The following SWT1 variants were observed in gnomAD, a reference collection of about 807,000 sequenced individuals.
SWT1 encodes transcriptional protein SWT1.
Under a neutral mutation model 107.3 loss-of-function variants are expected in SWT1, and 33 were observed. That is an observed-to-expected ratio of 0.31 (90% CI 0.23 to 0.41). SWT1 has a LOEUF of 0.41. Among genes scored for constraint, SWT1 ranks in the 10% least tolerant of loss-of-function variants. The probability of loss-of-function intolerance (pLI) is 1.00; values close to 1 mark genes in which losing one functional copy is unlikely to be tolerated. For missense variants in SWT1, 898 were observed against 1,028.9 expected (o/e 0.87, Z 1.74); for synonymous variants, 345 against 348.3 (o/e 0.99, Z 0.11).
chr1:185,223,541 G>A (rs1305336595), intron 15 of SWT1, among the ~76,000 whole-genome samples: 2 of 152,022 alleles, frequency 1.3e-5, no homozygotes, highest in Non-Finnish European at 2.9e-5. Context: ...GTCTCAGTGT[G>A]ATTTTGATTT....
intron 7 of SWT1, 113 bp downstream of exon 7, chr1:185,182,170 A>G (rs972243623): frequency 1.9e-6 from 2 of 1,055,562 alleles, no homozygotes; most frequent in Non-Finnish European, 2.6e-6. Flanking sequence ...GCTCACTTGA[A>G]ATGAATGATA....
chr1:185,267,755 C>T (rs1413196276), intron 16 of SWT1, among the ~76,000 whole-genome samples: 2 of 151,954 alleles, frequency 1.3e-5, no homozygotes, highest in Admixed American at 1.3e-4. Context: ...AGATATTTTT[C>T]CCAAGGGCTA....
chr1:185,196,747 A>T (rs1262708592), intron 10 of SWT1, among the ~76,000 whole-genome samples: 1 of 152,190 alleles, frequency 6.6e-6, no homozygotes, highest in East Asian at 1.9e-4. Context: ...CTTTGTAGCA[A>T]TTGTGAATGG....
At chr1:185,264,860 CAGAA>C (rs1663262587) in intron 16 of SWT1, among the ~76,000 whole-genome samples, 1 of 152,054 alleles carries the variant, frequency 6.6e-6, no homozygotes. Context: ...GCAAAATTAA[CAGAA>C]AGCTGTAGTA....
intron 18 of SWT1, among the ~76,000 whole-genome samples, chr1:185,279,955 C>G (rs1044773127): frequency 6.6e-6 from 1 of 151,728 alleles, no homozygotes; most frequent in African/African-American, 2.4e-5. Flanking sequence ...GTTGATGTGC[C>G]ACACCATATT....
intron 16 of SWT1, among the ~76,000 whole-genome samples, chr1:185,246,623 C>CTTT (rs375322237): frequency 0.25 from 24,129 of 96,156 alleles, 3,356 homozygotes; most frequent in Non-Finnish European, 0.28. Context: ...TTTTGGAGAG[C>CTTT]TTTTTTTTTT....
At chr1:185,246,730 G>C (rs560738509) in intron 16 of SWT1, among the ~76,000 whole-genome samples, 2 of 148,030 alleles carry the variant, frequency 1.4e-5, no homozygotes, top group African/African-American at 5.0e-5. Flanking sequence ...CATGGTTTCA[G>C]GTGATTCTCC....
At chr1:185,159,490 A>G (rs192618476) in intron 1 of SWT1, among the ~76,000 whole-genome samples, 38 of 152,314 alleles carry the variant, frequency 2.5e-4, no homozygotes, top group African/African-American at 9.1e-4. Flanking sequence ...AACTACAGTG[A>G]GTGAATTGGA....
At chr1:185,246,237 G>A (rs955161185) in intron 16 of SWT1, among the ~76,000 whole-genome samples, 1 of 151,978 alleles carries the variant, frequency 6.6e-6, no homozygotes, top group African/African-American at 2.4e-5. Context: ...TGGAGAAATG[G>A]CCAGAGGGAC....
chr1:185,253,313 T>C (rs1156477779), intron 16 of SWT1, among the ~76,000 whole-genome samples: 4 of 150,950 alleles, frequency 2.6e-5, no homozygotes, highest in South Asian at 4.2e-4. Flanking sequence ...TTTCCAATTC[T>C]GTGAAGAAAG....
intron 5 of SWT1, among the ~76,000 whole-genome samples, chr1:185,179,178 A>G (rs1317568535): frequency 6.6e-6 from 1 of 152,170 alleles, no homozygotes; most frequent in African/African-American, 2.4e-5. Flanking sequence ...CTGAGGCAGA[A>G]GAATCGCTTG....
Position 185,174,431 on chromosome 1 carries a change from G to C in SWT1, c.284G>C (p.Arg95Thr), listed in dbSNP as rs372249981. The C allele has an allele frequency of 2.6e-5, 41 of 1,599,872 alleles. No homozygotes were observed. The highest frequency in any genetic ancestry group is 3.2e-5 in the Non-Finnish European group (38 of 1,175,916). ...RRPKIGSSSQ[R>T]PIKLKEASYS... is the part of the protein sequence containing the mutation. ...CCAAAAATCGGTTCTTCATCCCAAA[G>C]ACCTATTAAACTCAAAGAAGCATCA... The change falls in exon 5 of 19, where the codon AGA (arginine) becomes ACA (threonine). Residue 95 changes from arginine to threonine, a missense_variant. By Grantham distance (71) the Arg-to-Thr change is moderately conservative. Around this residue, in one of 6 missense-constraint regions of SWT1, gnomAD observed 382 missense variants for 362.4 expected, o/e 1.05. Coordinates refer to ENST00000367500, the MANE Select transcript of SWT1 (RefSeq NM_017673.7).
Position 185,276,675 on chromosome 1 carries a change from C to CATATCT in SWT1, c.2573+12_2573+17dup, listed in dbSNP as rs761047429. ...TTTCTCAGACTGAGTATAGGTAAGT[C>CATATCT]ATATCTATATATAGATATAAACCAT... On this transcript the variant is annotated splice_region_variant and intron_variant, in intron 18 of 18. Transcript: ENST00000367500. 1.3e-4 allele frequency: 195 copies of CATATCT among 1,501,744 alleles called. No individual in the cohort carries two copies. The highest frequency in any genetic ancestry group is 1.6e-4 in the Non-Finnish European group (177 of 1,086,876). The allele number at this position is 1,501,744 out of a possible 1,614,324, so 93.0% of individuals were successfully genotyped here.
At chr1:185,217,525 A>G (rs1659313288) in intron 14 of SWT1, among the ~76,000 whole-genome samples, 1 of 152,088 alleles carries the variant, frequency 6.6e-6, no homozygotes, top group African/African-American at 2.4e-5. Context: ...ATGGGACTGT[A>G]AGGTCAGGGC....
intron 3 of SWT1, among the ~76,000 whole-genome samples, chr1:185,166,889 C>A (rs143583972): frequency 1.5e-4 from 23 of 152,202 alleles, no homozygotes; most frequent in African/African-American, 4.8e-4. Context: ...TAAGTCCTCT[C>A]ACATATATAT....
intron 12 of SWT1, among the ~76,000 whole-genome samples, chr1:185,205,553 G>C (rs1658267465): frequency 6.6e-6 from 1 of 152,104 alleles, no homozygotes. Context: ...ATTTTTATTA[G>C]AGACGAGGTT....
chr1:185,175,011 T>C lies in SWT1; in HGVS notation c.864T>C (p.Leu288=). 6.2e-7 allele frequency: 1 copy of C among 1,613,730 alleles called. No homozygotes were observed. The highest frequency in any genetic ancestry group is 8.5e-7 in the Non-Finnish European group (1 of 1,179,916). The stretch of plus-strand genomic sequence containing the variant: ...CTAGGCAGAAAACTGAACATTTACT[T>C]TCAGATTTTACATATAAGCGGACTG... ...NVTRQKTEHL[L]SDFTYKRTVH... The change falls in exon 5 of 19, where the codon CTT becomes CTC. Residue 288 remains leucine, a synonymous_variant. Transcript: ENST00000367500.
At chr1:185,185,015 T>C (rs189608890) in intron 9 of SWT1, 84 bp downstream of exon 9, 1 of 944,730 alleles carries the variant, frequency 1.1e-6, no homozygotes, top group East Asian at 2.9e-5. Context: ...GTGCAAAACT[T>C]TTAAAACATT....
intron 14 of SWT1, among the ~76,000 whole-genome samples, chr1:185,217,684 C>T (rs1302536916): frequency 6.6e-6 from 1 of 152,122 alleles, no homozygotes; most frequent in Non-Finnish European, 1.5e-5. Context: ...CAACCTCCAC[C>T]TCCCAGGTTC....
Sources: gnomAD v4.1 joint callset for allele counts (sites outside exome capture counted in the v4.1 genomes callset) on GRCh38, gnomAD v4.1.1 for gene constraint, gnomAD v4.1.1 regional missense constraint, MANE v1.5 for transcripts, NCBI Gene and HGNC (gene_info 2026-07-23, HGNC 2026-07-21) for gene names.